Variants in RRAS2 observed in about 807,000 individuals in gnomAD.
RRAS2 encodes ras-related protein R-Ras2.
Under a neutral mutation model 27.6 loss-of-function variants are expected in RRAS2, and 7 were observed. The ratio of observed to expected loss-of-function variants is 0.25; its 90% CI spans 0.14 to 0.48. The LOEUF (loss-of-function observed/expected upper bound fraction) is 0.48, where lower values mean the gene tolerates loss of function less well. RRAS2 is among the 20% of genes least tolerant of loss of function. The probability of loss-of-function intolerance (pLI) is 0.99; values close to 1 mark genes in which losing one functional copy is unlikely to be tolerated. For synonymous variants in RRAS2, 86 were observed against 90.9 expected, an observed-to-expected ratio of 0.95 and a Z score of 0.31; for missense variants, 178 against 256.2, an observed-to-expected ratio of 0.69 and a Z score of 2.08.
At chr11:14,337,722 C>T (rs1263240990) in intron 1 of RRAS2, among the ~76,000 whole-genome samples, 1 of 152,024 alleles carries the variant, frequency 6.6e-6, no homozygotes, top group African/African-American at 2.4e-5. Flanking sequence ...CAGTTTCAGG[C>T]ATCTGCGGGG....
chr11:14,337,277 T>A (rs1211420711), intron 1 of RRAS2: 1 of 152,192 alleles, frequency 6.6e-6, no homozygotes, highest in African/African-American at 2.4e-5. Flanking sequence ...GTCCAGAGTA[T>A]CCACACTGTA....
At chr11:14,361,273 C>T (rs1449732082), upstream of RRAS2, among the ~76,000 whole-genome samples, 1 of 150,808 alleles carries the variant, frequency 6.6e-6, no homozygotes, top group African/African-American at 2.4e-5. Context: ...ACTGCACTCC[C>T]GCCTGGGCGA....
Position 14,358,707 on chromosome 11 carries a change from GCGCCAGCCCCCGCC to G in RRAS2, c.108+42_108+55del, listed in dbSNP as rs1849136841. 3.5e-6 allele frequency: 4 copies of G among 1,126,818 alleles called. No individual in the cohort carries two copies. In the African/African-American group the frequency reaches 6.6e-5, roughly 19 times the overall value. The allele number at this position is 1,126,818 out of a possible 1,614,324, so 69.8% of individuals were successfully genotyped here. A position where few individuals can be genotyped will look rare whatever the true frequency, so the allele number is the denominator to read the frequency against. On this transcript the variant is annotated intron_variant, in intron 1 of 5. Transcript: ENST00000256196. The surrounding 1 kb of genome is among the most constrained non-coding windows in gnomAD (Gnocchi z 5.1). ...CGCGGCGGCCGCCCCGCCACAGGTA[GCGCCAGCCCCCGCC>G]CGCCGCCGCTCCGGCGCCCCGGGCA...
chr11:14,340,136 T>C (rs1277204966), intron 1 of RRAS2, among the ~76,000 whole-genome samples: 2 of 134,104 alleles, frequency 1.5e-5, no homozygotes, highest in African/African-American at 2.6e-5. Flanking sequence ...TGTCCCTCTG[T>C]CTCCCAGGCT....
chr11:14,285,015 T>G (rs543186394), intron 4 of RRAS2, among the ~76,000 whole-genome samples: 1 of 152,352 alleles, frequency 6.6e-6, no homozygotes, highest in Middle Eastern at 3.4e-3. Flanking sequence ...ATGGATACAG[T>G]TGAGTCATCT....
chr11:14,283,778 T>C (rs1424257820), intron 4 of RRAS2, among the ~76,000 whole-genome samples: 1 of 152,210 alleles, frequency 6.6e-6, no homozygotes, highest in Non-Finnish European at 1.5e-5. Flanking sequence ...ATATTGTGTC[T>C]TTTCTCTTTT....
upstream of RRAS2, among the ~76,000 whole-genome samples, chr11:14,363,802 G>A (rs1165815016): frequency 6.6e-6 from 1 of 150,996 alleles, no homozygotes; most frequent in Admixed American, 6.6e-5. Context: ...CAGGCATGGT[G>A]GCTCATGCCT....
intron 4 of RRAS2, among the ~76,000 whole-genome samples, chr11:14,290,912 A>G (rs1410198276): frequency 6.6e-6 from 1 of 152,200 alleles, no homozygotes; most frequent in Non-Finnish European, 1.5e-5. Context: ...GATAAGAGAC[A>G]TTGTAGCATG....
chr11:14,331,197 A>G (rs1554951825), intron 1 of RRAS2, among the ~76,000 whole-genome samples: 1 of 152,238 alleles, frequency 6.6e-6, no homozygotes, highest in African/African-American at 2.4e-5. Context: ...AGTTTCTGTG[A>G]ACCTAGAAAC....
At chr11:14,305,899 G>C (rs1591458066) in intron 1 of RRAS2, among the ~76,000 whole-genome samples, 1 of 152,220 alleles carries the variant, frequency 6.6e-6, no homozygotes, top group East Asian at 1.9e-4. Context: ...TTAAAAATTA[G>C]TCAGATGTGG....
At chr11:14,300,875 G>A (rs1375729615) in intron 1 of RRAS2, among the ~76,000 whole-genome samples, 2 of 152,196 alleles carry the variant, frequency 1.3e-5, no homozygotes, top group Non-Finnish European at 2.9e-5. Flanking sequence ...AGCTATTGGT[G>A]AAAGTGTAGT....
intron 4 of RRAS2, among the ~76,000 whole-genome samples, chr11:14,290,372 C>A (rs1849778343): frequency 6.6e-6 from 1 of 152,192 alleles, no homozygotes; most frequent in Admixed American, 6.5e-5. Flanking sequence ...TCGCTTGAAC[C>A]CGGGAGGTGG....
At chr11:14,357,764 T>C (rs1591494916) in intron 1 of RRAS2, among the ~76,000 whole-genome samples, 2 of 152,122 alleles carry the variant, frequency 1.3e-5, no homozygotes. Context: ...CTGTGAAAAA[T>C]ATCCTTGTTT....
Position 14,358,889 on chromosome 11 carries a change from A to G in RRAS2, c.-19T>C, listed in dbSNP as rs1281749840. 1.1e-5 allele frequency: 15 copies of G among 1,389,704 alleles called. No individual in the cohort carries two copies. The highest frequency in any genetic ancestry group is 1.4e-5 in the Non-Finnish European group (15 of 1,059,928). 86.1% of individuals were successfully genotyped at this position (1,389,704 alleles called of 1,614,324 possible). A position where few individuals can be genotyped will look rare whatever the true frequency, so the allele number is the denominator to read the frequency against. ...CGGCCATGGGGACGCTACAGAGCCC[A>G]GCCTGACTGCGCCGAGCCGCCGCTG... On this transcript the variant is annotated 5_prime_UTR_variant, in exon 1 of 6. Transcript: ENST00000256196. The surrounding 1 kb of genome is among the most constrained non-coding windows in gnomAD (Gnocchi z 5.1).
chr11:14,326,668 G>C (rs1848363572), intron 1 of RRAS2, among the ~76,000 whole-genome samples: 2 of 152,272 alleles, frequency 1.3e-5, no homozygotes, highest in African/African-American at 4.8e-5. Context: ...GGGAGGGGGA[G>C]GGGACAGGGC....
At chr11:14,334,531 T>TACACAC (rs145228825) in intron 1 of RRAS2, among the ~76,000 whole-genome samples, 173 of 143,858 alleles carry the variant, frequency 1.2e-3, no homozygotes, top group African/African-American at 9.2e-4. Flanking sequence ...CATCCATACA[T>TACACAC]ACACACACAC....
chr11:14,290,234 G>C (rs1554945618), intron 4 of RRAS2, among the ~76,000 whole-genome samples: 3 of 152,164 alleles, frequency 2.0e-5, no homozygotes, highest in Non-Finnish European at 4.4e-5. Context: ...CAGATCACAA[G>C]ATCAGGAGTT....
At chr11:14,281,458 A>C in intron 5 of RRAS2, 144 bp downstream of exon 5, 1 of 503,936 alleles carries the variant, frequency 2.0e-6, no homozygotes, top group East Asian at 3.6e-5. Context: ...TATATTCTAG[A>C]AGTGCCTAGA....
At chr11:14,356,658 T>C (rs1204595792) in intron 1 of RRAS2, 2 of 393,384 alleles carry the variant, frequency 5.1e-6, no homozygotes, top group Non-Finnish European at 9.8e-6. Flanking sequence ...ATACTCTTTA[T>C]GTACACATAT....
Sources: allele counts gnomAD v4.1 joint callset (sites outside exome capture counted in the v4.1 genomes callset), GRCh38; gene constraint gnomAD v4.1.1; non-coding constraint Gnocchi (gnomAD v3.1); transcripts MANE v1.5; gene names NCBI Gene and HGNC (gene_info 2026-07-23, HGNC 2026-07-21).